Variants in GIPC2 observed in about 807,000 individuals in gnomAD.
GIPC2 encodes GIPC PDZ domain containing family member 2, also known as PDZ domain-containing protein GIPC2.
GIPC2 carries 30 observed loss-of-function variants against 30.6 expected under a neutral mutation model. The observed-to-expected ratio is 0.98, with a 90% confidence interval of 0.73 to 1.33. The LOEUF (loss-of-function observed/expected upper bound fraction) is 1.33. GIPC2 is among the 40% of genes most tolerant of loss of function. The pLI, the probability that GIPC2 is intolerant of heterozygous loss-of-function variation, is 0.00. For missense variants in GIPC2, 414 were observed against 390.3 expected (o/e 1.06, Z -0.51); for synonymous variants, 167 against 150.0 (o/e 1.11, Z -0.83).
At chr1:78,070,217 T>A (rs1325634437) in intron 1 of GIPC2, among the ~76,000 whole-genome samples, 2 of 152,146 alleles carry the variant, frequency 1.3e-5, no homozygotes, top group Non-Finnish European at 2.9e-5. Flanking sequence ...AATCCACAAA[T>A]CTCTTTACTA....
At chr1:78,103,660 A>G (rs892805379) in intron 3 of GIPC2, among the ~76,000 whole-genome samples, 5 of 152,218 alleles carry the variant, frequency 3.3e-5, no homozygotes, top group African/African-American at 1.2e-4. Flanking sequence ...ATTATGTGTT[A>G]CTGCTTCTTC....
Position 78,136,142 on chromosome 1 carries a change from C to A in GIPC2, c.*399C>A. On this transcript the variant is annotated 3_prime_UTR_variant, in exon 6 of 6. Coordinates refer to ENST00000370759, the MANE Select transcript of GIPC2 (RefSeq NM_017655.6). ...TAAACTAGGATTGGAGTATGATTTA[C>A]CTCATAGTATCTTCACTGTGTTATC... 1 of 159,936 alleles carries A rather than the reference C, an allele frequency of 6.3e-6. No homozygotes were observed. Among genetic ancestry groups the A allele is most frequent in the Non-Finnish European group, 1.3e-5 (1 of 74,096 alleles). 9.9% of individuals were successfully genotyped at this position (159,936 alleles called of 1,614,324 possible).
intron 3 of GIPC2, among the ~76,000 whole-genome samples, chr1:78,109,940 A>G (rs1405163776): frequency 6.6e-6 from 1 of 152,158 alleles, no homozygotes; most frequent in Non-Finnish European, 1.5e-5. Flanking sequence ...CGCAAGGACA[A>G]AACACCAAAC....
intron 2 of GIPC2, among the ~76,000 whole-genome samples, chr1:78,089,566 G>A (rs553134484): frequency 1.3e-5 from 2 of 152,272 alleles, no homozygotes; most frequent in East Asian, 1.9e-4. Flanking sequence ...ATGCTGCTCA[G>A]TTGAGCAGGG....
At chr1:78,068,617 C>T (rs1468776750) in intron 1 of GIPC2, among the ~76,000 whole-genome samples, 1 of 152,178 alleles carries the variant, frequency 6.6e-6, no homozygotes, top group East Asian at 1.9e-4. Context: ...CAGGGATAAA[C>T]TGGGACCTAG....
chr1:78,050,386 A>G (rs1661173650), intron 1 of GIPC2, among the ~76,000 whole-genome samples: 2 of 152,284 alleles, frequency 1.3e-5, no homozygotes, highest in Admixed American at 6.5e-5. Flanking sequence ...GACTTCAGCT[A>G]GTGTTTTGTG....
At chr1:78,057,319 T>A (rs933143646) in intron 1 of GIPC2, among the ~76,000 whole-genome samples, 1 of 152,180 alleles carries the variant, frequency 6.6e-6, no homozygotes, top group Non-Finnish European at 1.5e-5. Context: ...GAGCCCTTCA[T>A]CCCTAAGAAA....
intron 1 of GIPC2, among the ~76,000 whole-genome samples, chr1:78,068,681 TATG>T (rs977026538): frequency 6.6e-6 from 1 of 152,108 alleles, no homozygotes; most frequent in Non-Finnish European, 1.5e-5. Context: ...AGAAGAAAAA[TATG>T]ATGTGAGAAA....
At chr1:78,109,342 G>A (rs1401247083) in intron 3 of GIPC2, among the ~76,000 whole-genome samples, 2 of 152,134 alleles carry the variant, frequency 1.3e-5, no homozygotes, top group Non-Finnish European at 2.9e-5. Context: ...CCCCTGATCC[G>A]CAGTGATCCT....
At chr1:78,086,804 T>C (rs1231515044) in intron 2 of GIPC2, among the ~76,000 whole-genome samples, 2 of 152,172 alleles carry the variant, frequency 1.3e-5, no homozygotes, top group African/African-American at 4.8e-5. Context: ...TTTTTCTCCA[T>C]CCCTTTATTT....
chr1:78,092,054 T>G (rs1490246972), intron 2 of GIPC2: 2 of 1,526,550 alleles, frequency 1.3e-6, no homozygotes, highest in African/African-American at 1.4e-5. Context: ...TGGCTCCAAG[T>G]AGACCATGTC....
At chr1:78,102,751 T>C (rs1662272155) in intron 3 of GIPC2, among the ~76,000 whole-genome samples, 1 of 152,248 alleles carries the variant, frequency 6.6e-6, no homozygotes, top group Admixed American at 6.5e-5. Flanking sequence ...CCCTGGTATA[T>C]AGTAAGTCTT....
chr1:78,062,890 A>T (rs1474705592), intron 1 of GIPC2, among the ~76,000 whole-genome samples: 1 of 152,166 alleles, frequency 6.6e-6, no homozygotes, highest in Non-Finnish European at 1.5e-5. Context: ...ACCAGAAATT[A>T]TTACAATCTA....
intron 3 of GIPC2, among the ~76,000 whole-genome samples, chr1:78,099,674 G>A (rs143408937): frequency 0.031 from 4,641 of 151,952 alleles, 242 homozygotes; most frequent in African/African-American, 0.11. Flanking sequence ...TCCTGACCTC[G>A]TGATCTGCCC....
At chr1:78,052,768 T>TA (rs1447606309) in intron 1 of GIPC2, among the ~76,000 whole-genome samples, 4 of 152,194 alleles carry the variant, frequency 2.6e-5, no homozygotes, top group Admixed American at 6.5e-5. Context: ...CTAAATGAGT[T>TA]ACAGCATATG....
intron 5 of GIPC2, among the ~76,000 whole-genome samples, chr1:78,134,795 A>G (rs1223845515): frequency 1.3e-5 from 2 of 152,198 alleles, no homozygotes; most frequent in East Asian, 3.9e-4. Context: ...TTTCCCTTTC[A>G]CATGGAGGTT....
intron 1 of GIPC2, among the ~76,000 whole-genome samples, chr1:78,068,725 T>C (rs935540659): frequency 1.6e-4 from 25 of 152,186 alleles, no homozygotes; most frequent in African/African-American, 5.8e-4. Flanking sequence ...TTGCCAACAA[T>C]ATATAAGCCA....
At chr1:78,068,653 C>T (rs1661564071) in intron 1 of GIPC2, among the ~76,000 whole-genome samples, 1 of 152,130 alleles carries the variant, frequency 6.6e-6, no homozygotes, top group African/African-American at 2.4e-5. Flanking sequence ...AACCAAACTG[C>T]TTGCTAGAAA....
chr1:78,127,194 T>A (rs1662798410), intron 5 of GIPC2, among the ~76,000 whole-genome samples: 1 of 152,228 alleles, frequency 6.6e-6, no homozygotes, highest in Admixed American at 6.5e-5. Flanking sequence ...ATTTATCCTT[T>A]TCTACTTCCA....
Sources: allele counts gnomAD v4.1 joint callset (sites outside exome capture counted in the v4.1 genomes callset), GRCh38; gene constraint gnomAD v4.1.1; transcripts MANE v1.5; gene names NCBI Gene and HGNC (gene_info 2026-07-23, HGNC 2026-07-21).